The following KCNQ1 variants were observed in gnomAD, a reference collection of about 807,000 sequenced individuals.
The protein encoded by KCNQ1 is potassium voltage-gated channel subfamily KQT member 1.
A neutral mutation model predicts 72.4 loss-of-function variants in KCNQ1; 49 were observed. That is an observed-to-expected ratio of 0.68 (90% CI 0.54 to 0.86). The LOEUF (loss-of-function observed/expected upper bound fraction) is 0.86. Among genes scored for constraint, KCNQ1 ranks in the 40% least tolerant of loss-of-function variants. The probability of loss-of-function intolerance (pLI) is 0.00; values close to 1 mark genes in which losing one functional copy is unlikely to be tolerated. For synonymous variants in KCNQ1, 450 were observed against 412.6 expected, an observed-to-expected ratio of 1.09 and a Z score of -1.10; for missense variants, 790 against 945.1, an observed-to-expected ratio of 0.84 and a Z score of 2.15.
rs1275284825 is a variant in KCNQ1 at position 2,565,567 on chromosome 11, C to T, written c.478-5061C>T. Among the ~76,000 whole-genome samples, 1 of 152,206 alleles carries T rather than the reference C, an allele frequency of 6.6e-6. No homozygotes were observed. The highest frequency in any genetic ancestry group is 2.4e-5 in the African/African-American group (1 of 41,458). On this transcript the variant is annotated intron_variant, in intron 2 of 15. Transcript: ENST00000155840. This position sits in a 1 kb window ranked among gnomAD's most constrained non-coding sequence, Gnocchi z 5.6. ...GCCCCAGGATGGACATGGATTCACA[C>T]TCATGGTAGAACAGAGCTGAGGGTG...
Position 2,471,701 on chromosome 11 carries a change from TATAGGTGTGTGTATGTGTGC to T in KCNQ1, c.386+26220_386+26239del, listed in dbSNP as rs1365269038. 3.8e-4 allele frequency among the ~76,000 whole-genome samples: 58 copies of T among 151,506 alleles called. No individual in the cohort carries two copies. Among genetic ancestry groups the T allele is most frequent in the East Asian group, 1.2e-3 (6 of 5,132 alleles). On this transcript the variant is annotated intron_variant, in intron 1 of 15. Coordinates refer to ENST00000155840, the MANE Select transcript of KCNQ1 (RefSeq NM_000218.3). The surrounding 1 kb of genome is among the most constrained non-coding windows in gnomAD (Gnocchi z 4.8). ...ACATGTGTATGGGTGTGCATGTGTG[TATAGGTGTGTGTATGTGTGC>T]ATGGGCGTGTGTATGTGTGCATGGG...
intron 6 of KCNQ1, among the ~76,000 whole-genome samples, chr11:2,577,159 C>T (rs770427033): frequency 1.3e-5 from 2 of 152,220 alleles, no homozygotes; most frequent in African/African-American, 2.4e-5. Context: ...TTTGTGGACT[C>T]ACTGTTGAGG....
At chr11:2,577,238 C>G (rs142223310) in intron 6 of KCNQ1, among the ~76,000 whole-genome samples, 1 of 152,334 alleles carries the variant, frequency 6.6e-6, no homozygotes, top group African/African-American at 2.4e-5. Context: ...CTTGCTCTCT[C>G]TGTCACAGTC....
At chr11:2,639,540 A>G (rs1330919130) in intron 10 of KCNQ1, 2 of 152,598 alleles carry the variant, frequency 1.3e-5, no homozygotes, top group African/African-American at 4.8e-5. Context: ...ACTGCTGAAC[A>G]CCAAATGTTG....
At chr11:2,527,890 G>A (rs1564807198) in intron 1 of KCNQ1, 38 bp from the exon 2 acceptor site, 4 of 1,584,480 alleles carry the variant, frequency 2.5e-6, no homozygotes, top group African/African-American at 2.7e-5. Context: ...GGGATGGGCA[G>A]AGGCCGTGAT....
At chr11:2,806,920 C>T (rs1847384719) in intron 15 of KCNQ1, among the ~76,000 whole-genome samples, 2 of 152,178 alleles carry the variant, frequency 1.3e-5, no homozygotes, top group South Asian at 4.1e-4. Context: ...ACGGCACCAC[C>T]GGGACAGCAC....
rs945205209 is a variant in KCNQ1 at position 2,458,400 on chromosome 11, G to A, written c.386+12916G>A. Among the ~76,000 whole-genome samples, 2 of 152,210 alleles carry A rather than the reference G, an allele frequency of 1.3e-5. No individual in the cohort carries two copies. The highest frequency in any genetic ancestry group is 2.9e-5 in the Non-Finnish European group (2 of 68,032). On this transcript the variant is annotated intron_variant, in intron 1 of 15. Transcript: ENST00000155840. The surrounding 1 kb of genome is among the most constrained non-coding windows in gnomAD (Gnocchi z 4.6). Reference sequence around the variant, plus strand: ...AGAGAATCTGACATGTGTCCCAGTCGTGATTAACCTGTGAACTGTAACTCG... The same window carrying A: ...AGAGAATCTGACATGTGTCCCAGTCATGATTAACCTGTGAACTGTAACTCG...
chr11:2,514,666 A>C (rs1201329231), intron 1 of KCNQ1, among the ~76,000 whole-genome samples: 1 of 152,226 alleles, frequency 6.6e-6, no homozygotes, highest in African/African-American at 2.4e-5. Flanking sequence ...CTCTACTAAA[A>C]ATACAAAAAA....
Position 2,588,334 on chromosome 11 carries a change from G to A in KCNQ1, c.1252-379G>A, listed in dbSNP as rs1848623350. 6.6e-6 allele frequency among the ~76,000 whole-genome samples: 1 copy of A among 152,158 alleles called. No homozygotes were observed. Among genetic ancestry groups the A allele is most frequent in the African/African-American group, 2.4e-5 (1 of 41,428 alleles). ...GTTCCCCCAGATTTCCACACAGCCT[G>A]CTCCCTCACTTCAGGCGCCCTCTTC... On this transcript the variant is annotated intron_variant, in intron 9 of 15. Coordinates refer to ENST00000155840, the MANE Select transcript of KCNQ1 (RefSeq NM_000218.3). This position sits in a 1 kb window ranked among gnomAD's most constrained non-coding sequence, Gnocchi z 5.6.
chr11:2,847,959 G>C lies in KCNQ1; in HGVS notation c.1987G>C (p.Glu663Gln). 1 of 1,564,138 alleles carries C rather than the reference G, an allele frequency of 6.4e-7. No homozygotes were observed. The highest frequency in any genetic ancestry group is 8.7e-7 in the Non-Finnish European group (1 of 1,153,150). ...GCCCAGCAACACCCTGCCCACCTAC[G>C]AGCAGCTGACCGTGCCCAGGAGGGG... ...FLPSNTLPTY[E>Q]QLTVPRRGPD... is the part of the protein sequence containing the mutation. Residue 663 changes from glutamate (E) to glutamine (Q), a missense_variant, in exon 16 of 16, where the codon GAG becomes CAG. Glu to Gln is a conservative substitution (Grantham distance 29). Around this residue, in one of 5 missense-constraint regions of KCNQ1, gnomAD observed 94 missense variants for 85.2 expected, o/e 1.10. Transcript: ENST00000155840.
intron 12 of KCNQ1, chr11:2,771,352 T>A (rs1039959859): frequency 3.9e-5 from 6 of 152,244 alleles, no homozygotes; most frequent in Non-Finnish European, 8.8e-5. Flanking sequence ...TGATAATAAC[T>A]ACCATGGCTT....
rs187974074 is a variant in KCNQ1, at chr11:2,796,431, G to C, written c.1794+18394G>C. 2.0e-5 allele frequency among the ~76,000 whole-genome samples: 3 copies of C among 152,346 alleles called. No homozygotes were observed. In the East Asian group the frequency reaches 5.8e-4, roughly 29 times the overall value. Reference sequence around the variant, plus strand: ...AAGCACCCATCGCTTTCCTCTCCCGGATCTTCCCAGCACCCTTCCACCTTC... The same window carrying C: ...AAGCACCCATCGCTTTCCTCTCCCGCATCTTCCCAGCACCCTTCCACCTTC... On this transcript the variant is annotated intron_variant, in intron 15 of 15. Coordinates refer to ENST00000155840, the MANE Select transcript of KCNQ1 (RefSeq NM_000218.3).
rs370967088 is a variant in KCNQ1 at position 2,448,742 on chromosome 11, T to C, written c.386+3258T>C. Among the ~76,000 whole-genome samples the C allele has an allele frequency of 4.6e-5, 7 of 152,350 alleles. No individual in the cohort carries two copies. The East Asian group carries it at 9.6e-4, about 21-fold the overall frequency. ...GAAAACTGGGAATTCCTTTTGGGGC[T>C]TTTCCCAGTGCTACCTTCTGTGGGG... On this transcript the variant is annotated intron_variant, in intron 1 of 15. Coordinates refer to ENST00000155840, the MANE Select transcript of KCNQ1 (RefSeq NM_000218.3).
In KCNQ1 at chr11:2,538,859, C is replaced by T. The variant is rs999552050; in HGVS notation, c.477+10841C>T. Reference sequence around the variant, plus strand: ...GGCCTGGGGCAGGAGGTAGAGGAAACTGCAAGATTTTTTAAACCTTCTCCA... The same window carrying T: ...GGCCTGGGGCAGGAGGTAGAGGAAATTGCAAGATTTTTTAAACCTTCTCCA... On this transcript the variant is annotated intron_variant, in intron 2 of 15. Transcript: ENST00000155840. The surrounding 1 kb of genome is among the most constrained non-coding windows in gnomAD (Gnocchi z 6.7). Among the ~76,000 whole-genome samples, 5 of 152,098 alleles carry T rather than the reference C, an allele frequency of 3.3e-5. No homozygotes were observed. Among genetic ancestry groups the T allele is most frequent in the Admixed American group, 6.5e-5 (1 of 15,278 alleles).
intron 6 of KCNQ1, among the ~76,000 whole-genome samples, chr11:2,577,513 G>C (rs1454088970): frequency 6.6e-6 from 1 of 152,186 alleles, no homozygotes; most frequent in Admixed American, 6.5e-5. Context: ...CCACCAGCCC[G>C]TGTGTGGGGC....
At chr11:2,591,879 G>T (rs544658106) in intron 10 of KCNQ1, among the ~76,000 whole-genome samples, 1 of 152,242 alleles carries the variant, frequency 6.6e-6, no homozygotes, top group African/African-American at 2.4e-5. Flanking sequence ...GGGACAGAGC[G>T]ACCCCTGATA....
At chr11:2,520,793 C>T (rs1357234513) in intron 1 of KCNQ1, among the ~76,000 whole-genome samples, 3 of 149,544 alleles carry the variant, frequency 2.0e-5, no homozygotes, top group Non-Finnish European at 4.5e-5. Context: ...CCCAGGATGA[C>T]TTTTTTTTTT....
chr11:2,840,730 T>C (rs1159112000), intron 15 of KCNQ1, among the ~76,000 whole-genome samples: 1 of 152,212 alleles, frequency 6.6e-6, no homozygotes, highest in Non-Finnish European at 1.5e-5. Flanking sequence ...ACATGTGTGA[T>C]GTGTACTTGA....
chr11:2,694,486 G>A (rs937102696), intron 11 of KCNQ1: 6 of 398,492 alleles, frequency 1.5e-5, no homozygotes, highest in Middle Eastern at 6.2e-4. Flanking sequence ...CCTGTCCCAA[G>A]CATTACCAGT....
Sources: gnomAD v4.1 joint callset for allele counts (sites outside exome capture counted in the v4.1 genomes callset) on GRCh38, gnomAD v4.1.1 for gene constraint, gnomAD v4.1.1 regional missense constraint, Gnocchi (gnomAD v3.1) non-coding constraint, MANE v1.5 for transcripts, NCBI Gene and HGNC (gene_info 2026-07-23, HGNC 2026-07-21) for gene names.